RNGTT: variants seen among roughly 807,000 people sequenced by gnomAD.
The protein encoded by RNGTT is mRNA-capping enzyme.
In RNGTT, 33 loss-of-function variants were observed where a neutral mutation model predicts 79.3. That is an observed-to-expected ratio of 0.42 (90% CI 0.32 to 0.56). The LOEUF is 0.56. Among genes scored for constraint, RNGTT ranks in the 20% least tolerant of loss-of-function variants. The probability of loss-of-function intolerance (pLI) is 0.17; values close to 1 mark genes in which losing one functional copy is unlikely to be tolerated. For missense variants in RNGTT, 497 were observed against 739.1 expected, an observed-to-expected ratio of 0.67 and a Z score of 3.80; for synonymous variants, 222 against 235.9, an observed-to-expected ratio of 0.94 and a Z score of 0.54.
At chr6:88,890,695 T>A (rs1263069421) in intron 7 of RNGTT, 99 bp from the exon 8 acceptor site, 1 of 693,892 alleles carries the variant, frequency 1.4e-6, no homozygotes, top group Non-Finnish European at 2.4e-6. Flanking sequence ...TATCACAATG[T>A]TCTCCCTATG....
intron 11 of RNGTT, among the ~76,000 whole-genome samples, chr6:88,809,529 T>G (rs1780067546): frequency 6.6e-6 from 1 of 152,178 alleles, no homozygotes; most frequent in Non-Finnish European, 1.5e-5. Flanking sequence ...AAGTATATTC[T>G]CTGATCATAA....
chr6:88,942,651 A>G (rs907229327), intron 1 of RNGTT, among the ~76,000 whole-genome samples: 1 of 152,238 alleles, frequency 6.6e-6, no homozygotes, highest in African/African-American at 2.4e-5. Flanking sequence ...GATTATAGGC[A>G]TGAGCCACTG....
At chr6:88,669,191 C>G (rs1214859567) in intron 14 of RNGTT, among the ~76,000 whole-genome samples, 1 of 152,168 alleles carries the variant, frequency 6.6e-6, no homozygotes, top group African/African-American at 2.4e-5. Context: ...TCCCCCAAAC[C>G]AGTGTTCCAG....
chr6:88,904,855 C>T lies in RNGTT; in HGVS notation c.544G>A (p.Glu182Lys), dbSNP rs1297214892. 6.2e-7 allele frequency: 1 copy of T among 1,613,984 alleles called. No individual in the cohort carries two copies. The highest frequency in any genetic ancestry group is 8.5e-7 in the Non-Finnish European group (1 of 1,180,030). ...ELFRRYGDIEEAPPPPLLPDW... is the reference protein window; with the variant it reads ...ELFRRYGDIEKAPPPPLLPDW... ...GGCAATAGAGGTGGGGGTGGTGCTT[C>T]CTCTATGTCACCATACCGACGAAAA... The change falls in exon 6 of 16, where the codon GAA (glutamate) becomes AAA (lysine). Residue 182 changes from glutamate to lysine, a missense_variant. Glu to Lys is a moderately conservative substitution (Grantham distance 56). Around this residue, in one of 3 missense-constraint regions of RNGTT, gnomAD observed 440 missense variants for 671.5 expected, o/e 0.66. Transcript: ENST00000369485.
chr6:88,690,238 CA>C (rs1477265787), intron 13 of RNGTT, among the ~76,000 whole-genome samples: 1 of 151,634 alleles, frequency 6.6e-6, no homozygotes, highest in East Asian at 1.9e-4. Flanking sequence ...AAAATTAGAA[CA>C]ATAAATGTAC....
intron 4 of RNGTT, among the ~76,000 whole-genome samples, chr6:88,906,961 T>C (rs1308030621): frequency 6.6e-6 from 1 of 152,218 alleles, no homozygotes; most frequent in African/African-American, 2.4e-5. Flanking sequence ...GGCCTGATAC[T>C]AATTAAATAT....
At chr6:88,796,660 A>G (rs1779612628) in intron 12 of RNGTT, among the ~76,000 whole-genome samples, 1 of 152,194 alleles carries the variant, frequency 6.6e-6, no homozygotes. Context: ...ATAGCCATAA[A>G]AAATACACTT....
At chr6:88,825,361 C>T (rs780413755) in intron 11 of RNGTT, among the ~76,000 whole-genome samples, 5 of 152,174 alleles carry the variant, frequency 3.3e-5, no homozygotes, top group Admixed American at 6.5e-5. Flanking sequence ...CACAGTAGCA[C>T]AAACTTTCAA....
intron 13 of RNGTT, among the ~76,000 whole-genome samples, chr6:88,685,103 G>A (rs537605279): frequency 6.6e-6 from 1 of 152,066 alleles, no homozygotes; most frequent in African/African-American, 2.4e-5. Context: ...AAACTATAGC[G>A]GCAAGATCAG....
At position 88,767,709 on chromosome 6, in the gene RNGTT, G is replaced by A. The variant is rs960269362; in HGVS notation, c.1439+2065C>T. ...AAAAAAAAAAAAAAAAAAAAACAGC[G>A]TAGCCCCACTAGAATTAGTTTCTTA... is the stretch of plus-strand genomic sequence containing the variant. On this transcript the variant is annotated intron_variant, in intron 13 of 15. Transcript: ENST00000369485. Among the ~76,000 whole-genome samples, 8 of 136,150 alleles carry A rather than the reference G, an allele frequency of 5.9e-5. No homozygotes were observed. The East Asian group carries it at 6.5e-4, about 11-fold the overall frequency. The allele number at this position is 136,150 out of a possible 152,430, so 89.3% of individuals were successfully genotyped here.
At chr6:88,708,348 T>A (rs980162092) in intron 13 of RNGTT, among the ~76,000 whole-genome samples, 6 of 152,156 alleles carry the variant, frequency 3.9e-5, no homozygotes, top group African/African-American at 1.2e-4. Context: ...GTTAGCTCAC[T>A]GACCATTGTC....
intron 11 of RNGTT, among the ~76,000 whole-genome samples, chr6:88,825,700 G>GTGT (rs895709891): frequency 6.6e-6 from 1 of 152,140 alleles, no homozygotes; most frequent in Non-Finnish European, 1.5e-5. Flanking sequence ...AAAGCACAGT[G>GTGT]TGTTCTATTG....
chr6:88,672,621 T>C (rs1774698228), intron 14 of RNGTT, among the ~76,000 whole-genome samples: 1 of 152,158 alleles, frequency 6.6e-6, no homozygotes. Context: ...GCTCTGGTGA[T>C]GGGGTCCACC....
intron 11 of RNGTT, among the ~76,000 whole-genome samples, chr6:88,826,768 A>G (rs1780667397): frequency 6.8e-6 from 1 of 147,944 alleles, no homozygotes. Flanking sequence ...GGGCAACAAG[A>G]GCAAAACCCT....
intron 11 of RNGTT, among the ~76,000 whole-genome samples, chr6:88,815,604 T>C (rs1469449004): frequency 6.6e-6 from 1 of 152,192 alleles, no homozygotes; most frequent in Admixed American, 6.5e-5. Context: ...CTCTAGTTGA[T>C]ACCATTTCAG....
intron 11 of RNGTT, among the ~76,000 whole-genome samples, chr6:88,806,294 A>C (rs1223493407): frequency 6.6e-6 from 1 of 152,058 alleles, no homozygotes; most frequent in Non-Finnish European, 1.5e-5. Context: ...GATGCTGGCA[A>C]CGTTGTCGAG....
chr6:88,793,683 G>A (rs1044006194), intron 12 of RNGTT, among the ~76,000 whole-genome samples: 1 of 152,058 alleles, frequency 6.6e-6, no homozygotes, highest in Non-Finnish European at 1.5e-5. Context: ...TGGCCAACAA[G>A]GTAAAATGCC....
intron 11 of RNGTT, among the ~76,000 whole-genome samples, chr6:88,832,025 T>A (rs576435308): frequency 6.6e-6 from 1 of 152,318 alleles, no homozygotes; most frequent in Non-Finnish European, 1.5e-5. Context: ...CAAAGTAATT[T>A]ATAGATTCAA....
chr6:88,799,815 C>T (rs1779726749), intron 12 of RNGTT, among the ~76,000 whole-genome samples: 1 of 151,746 alleles, frequency 6.6e-6, no homozygotes, highest in South Asian at 2.1e-4. Flanking sequence ...GGCCATTTTT[C>T]CTACATATGC....
Sources: allele counts gnomAD v4.1 joint callset (sites outside exome capture counted in the v4.1 genomes callset), GRCh38; gene constraint gnomAD v4.1.1; regional missense constraint gnomAD v4.1.1; transcripts MANE v1.5; gene names NCBI Gene and HGNC (gene_info 2026-07-23, HGNC 2026-07-21).